The following ASAH2 variants were observed in gnomAD, a reference collection of about 807,000 sequenced individuals.
ASAH2 encodes neutral ceramidase.
Under a neutral mutation model 82.9 loss-of-function variants are expected in ASAH2, and 58 were observed. That is an observed-to-expected ratio of 0.70 (90% CI 0.57 to 0.87). The LOEUF (loss-of-function observed/expected upper bound fraction) is 0.87. Among genes scored for constraint, ASAH2 ranks in the 40% least tolerant of loss-of-function variants. The pLI, the probability that ASAH2 is intolerant of heterozygous loss-of-function variation, is 0.00. For missense variants in ASAH2, 779 were observed against 834.0 expected, an observed-to-expected ratio of 0.93 and a Z score of 0.81; for synonymous variants, 276 against 289.7, an observed-to-expected ratio of 0.95 and a Z score of 0.48.
intron 1 of ASAH2, among the ~76,000 whole-genome samples, chr10:50,250,287 A>G (rs1274960295): frequency 6.6e-6 from 1 of 152,330 alleles, no homozygotes; most frequent in East Asian, 1.9e-4. Flanking sequence ...GTGAAAGATC[A>G]GTCTAACAGC....
Position 50,200,145 on chromosome 10 carries a change from A to G in ASAH2, c.1762-999T>C, listed in dbSNP as rs2133198609. ...TTAATTACACTATGGCTTCTTAATC[A>G]GTCCTCTGCCTATACACAAGCCCTT... On this transcript the variant is annotated intron_variant, in intron 16 of 20. Coordinates refer to ENST00000682911, the MANE Select transcript of ASAH2 (RefSeq NM_019893.4). Among the ~76,000 whole-genome samples, 2 of 151,596 alleles carry G rather than the reference A, an allele frequency of 1.3e-5. 1 individual carries two copies. The highest frequency in any genetic ancestry group is 6.8e-3 in the Middle Eastern group (2 of 294).
At chr10:50,223,124 T>C (rs1845789363) in intron 7 of ASAH2, among the ~76,000 whole-genome samples, 2 of 152,300 alleles carry the variant, frequency 1.3e-5, no homozygotes, top group South Asian at 2.1e-4. Context: ...TGGACTAAAA[T>C]TTAAAAATTA....
In ASAH2 at chr10:50,205,011, C is replaced by T. The variant is rs1025537545; in HGVS notation, c.1531-56G>A. Reference sequence around the variant, plus strand: ...GGGATAACACTCTCTCTATGGTCAACAGACATATAGTGGTCCCAGAATTTC... The same window carrying T: ...GGGATAACACTCTCTCTATGGTCAATAGACATATAGTGGTCCCAGAATTTC... On this transcript the variant is annotated intron_variant, in intron 13 of 20. Transcript: ENST00000682911. The T allele has an allele frequency of 4.8e-6, 6 of 1,251,310 alleles. 1 individual carries two copies. The South Asian group carries it at 8.5e-5, about 18-fold the overall frequency. The allele number at this position is 1,251,310 out of a possible 1,614,324, so 77.5% of individuals were successfully genotyped here.
chr10:50,209,643 A>G (rs1845399772), intron 12 of ASAH2, among the ~76,000 whole-genome samples: 1 of 152,164 alleles, frequency 6.6e-6, no homozygotes, highest in Non-Finnish European at 1.5e-5. Context: ...CACACATCTG[A>G]TAAGGGAACG....
At chr10:50,199,973 T>C (rs1589322602) in intron 16 of ASAH2, among the ~76,000 whole-genome samples, 1 of 151,336 alleles carries the variant, frequency 6.6e-6, no homozygotes, top group African/African-American at 2.4e-5. Context: ...GTTTGTTATA[T>C]AGGTAAATCA....
intron 2 of ASAH2, 50 bp downstream of exon 2, chr10:50,248,434 A>T: frequency 6.3e-7 from 1 of 1,598,626 alleles, no homozygotes; most frequent in Non-Finnish European, 8.5e-7. Flanking sequence ...GTAATCAAGA[A>T]GTTTCATACA....
At chr10:50,200,494 C>T (rs1845113082) in intron 16 of ASAH2, among the ~76,000 whole-genome samples, 1 of 152,034 alleles carries the variant, frequency 6.6e-6, no homozygotes, top group Non-Finnish European at 1.5e-5. Flanking sequence ...TTAACTCTCA[C>T]TTGTTGTCAA....
At position 50,248,625 on chromosome 10, in the gene ASAH2, A is replaced by T; in HGVS notation, c.-15T>A. 6.2e-7 allele frequency: 1 copy of T among 1,609,544 alleles called. No individual in the cohort carries two copies. Among genetic ancestry groups the T allele is most frequent in the Non-Finnish European group, 8.5e-7 (1 of 1,178,132 alleles). The stretch of plus-strand genomic sequence containing the variant: ...CGTTTGGCCATTTCTTCTCAGGTAC[A>T]GCAGAGATGGAAGAAGAAATACTGA... On this transcript the variant is annotated 5_prime_UTR_variant, in exon 2 of 21. Coordinates refer to ENST00000682911, the MANE Select transcript of ASAH2 (RefSeq NM_019893.4).
chr10:50,197,858 G>A (rs1371607990), intron 17 of ASAH2, among the ~76,000 whole-genome samples: 1 of 151,640 alleles, frequency 6.6e-6, no homozygotes, highest in Non-Finnish European at 1.5e-5. Context: ...GTTATCTCTA[G>A]GGATGGATTA....
intron 3 of ASAH2, among the ~76,000 whole-genome samples, chr10:50,244,213 A>G (rs1367280751): frequency 6.6e-6 from 1 of 152,178 alleles, no homozygotes; most frequent in Non-Finnish European, 1.5e-5. Flanking sequence ...TTGTGGCAGC[A>G]GGCTGTCCAT....
chr10:50,231,406 A>G (rs1682153778), intron 7 of ASAH2, among the ~76,000 whole-genome samples: 1 of 152,080 alleles, frequency 6.6e-6, no homozygotes, highest in African/African-American at 2.4e-5. Flanking sequence ...AGCCTTCCAC[A>G]GTGCTCTCAG....
rs955178261 is a variant in ASAH2 at position 50,227,311 on chromosome 10, G to T, written c.893+5873C>A. On this transcript the variant is annotated intron_variant, in intron 7 of 20. Transcript: ENST00000682911. ...AAAAACACATTATTAGATAAGAAGA[G>T]GATCACTGCAAAAACAAACAGATAC... Among the ~76,000 whole-genome samples the T allele has an allele frequency of 6.6e-3, 979 of 148,826 alleles. 5 individuals carry two copies. Among genetic ancestry groups the T allele is most frequent in the Non-Finnish European group, 0.01 (701 of 67,334 alleles).
intron 7 of ASAH2, among the ~76,000 whole-genome samples, chr10:50,227,231 A>G (rs1845908658): frequency 6.6e-6 from 1 of 152,228 alleles, no homozygotes; most frequent in African/African-American, 2.4e-5. Context: ...AGAAAAATAT[A>G]CATGGCAAAT....
At chr10:50,240,416 C>T in intron 4 of ASAH2, 1 of 701,460 alleles carries the variant, frequency 1.4e-6, no homozygotes, top group South Asian at 1.5e-5. Context: ...TTTAAAGAAT[C>T]TGCTAATTTT....
intron 12 of ASAH2, among the ~76,000 whole-genome samples, chr10:50,206,464 T>C (rs1845299028): frequency 6.7e-6 from 1 of 149,346 alleles, no homozygotes; most frequent in African/African-American, 2.5e-5. Flanking sequence ...AAATGAAAAA[T>C]TACGCCTCCA....
At chr10:50,245,556 T>C in intron 2 of ASAH2, 102 bp from the exon 3 acceptor site, 1 of 1,036,358 alleles carries the variant, frequency 9.6e-7, no homozygotes, top group Non-Finnish European at 1.4e-6. Context: ...AGGAAAACTC[T>C]TTATATATTT....
chr10:50,235,907 A>G lies in ASAH2; in HGVS notation c.668T>C (p.Met223Thr). 2 of 1,613,282 alleles carry G rather than the reference A, an allele frequency of 1.2e-6. No homozygotes were observed. The highest frequency in any genetic ancestry group is 1.7e-6 in the Non-Finnish European group (2 of 1,179,390). ...EGFSNQTFQHMVTGILKSIDI... is the reference protein window; with the variant it reads ...EGFSNQTFQHTVTGILKSIDI... ...GCCTACCTTCAAGATACCAGTGACCATGTGCTGAAAAGTTTGATTGCTAAA... is the reference window on the plus strand; with the variant it reads ...GCCTACCTTCAAGATACCAGTGACCGTGTGCTGAAAAGTTTGATTGCTAAA... The change falls in exon 5 of 21, where the codon ATG (methionine) becomes ACG (threonine). Residue 223 changes from methionine (M) to threonine (T), a missense_variant. By Grantham distance (81) the Met-to-Thr change is moderately conservative (BLOSUM62 -1). Around this residue, in one of 3 missense-constraint regions of ASAH2, gnomAD observed 759 missense variants for 755.2 expected, o/e 1.00. Coordinates refer to ENST00000682911, the MANE Select transcript of ASAH2 (RefSeq NM_019893.4).
At chr10:50,209,330 T>C (rs1030157266) in intron 12 of ASAH2, among the ~76,000 whole-genome samples, 1 of 151,864 alleles carries the variant, frequency 6.6e-6, no homozygotes, top group African/African-American at 2.4e-5. Flanking sequence ...ATCAATAAAG[T>C]GAAAAAACCT....
At chr10:50,235,837 A>G (rs974963981) in intron 5 of ASAH2, 51 bp downstream of exon 5, 1 of 1,584,218 alleles carries the variant, frequency 6.3e-7, no homozygotes, top group East Asian at 2.2e-5. Context: ...CACTCCTAAA[A>G]TACCTGTAAG....
Sources: allele counts gnomAD v4.1 joint callset (sites outside exome capture counted in the v4.1 genomes callset), GRCh38; gene constraint gnomAD v4.1.1; regional missense constraint gnomAD v4.1.1; transcripts MANE v1.5; gene names NCBI Gene and HGNC (gene_info 2026-07-23, HGNC 2026-07-21).